The following CREB3L2 variants were observed in gnomAD, a reference collection of about 807,000 sequenced individuals.
CREB3L2 encodes the protein cAMP responsive element binding protein 3 like 2.
CREB3L2 carries 23 observed loss-of-function variants against 57.2 expected under a neutral mutation model. That is an observed-to-expected ratio of 0.40 (90% CI 0.29 to 0.57). The LOEUF (loss-of-function observed/expected upper bound fraction) is 0.57. CREB3L2 is among the 20% of genes least tolerant of loss of function. CREB3L2 has a pLI of 0.42. For synonymous variants in CREB3L2, 268 were observed against 265.1 expected (o/e 1.01, Z -0.11); for missense variants, 628 against 634.7 (o/e 0.99, Z 0.11).
intron 1 of CREB3L2, among the ~76,000 whole-genome samples, chr7:137,951,725 G>A (rs1258032765): frequency 1.3e-5 from 2 of 152,216 alleles, no homozygotes; most frequent in South Asian, 2.1e-4. Context: ...GCTCATGCCT[G>A]TAACCCCTGC....
At chr7:137,974,676 G>T (rs2117305862) in intron 1 of CREB3L2, among the ~76,000 whole-genome samples, 1 of 152,352 alleles carries the variant, frequency 6.6e-6, no homozygotes, top group Middle Eastern at 3.4e-3. Context: ...GAGATGGAAA[G>T]AAGTGAATGG....
At chr7:137,957,165 C>G (rs1158773944) in intron 1 of CREB3L2, among the ~76,000 whole-genome samples, 2 of 152,190 alleles carry the variant, frequency 1.3e-5, no homozygotes, top group Non-Finnish European at 2.9e-5. Context: ...CAGGTTCCTA[C>G]AGCCTGGAAT....
intron 8 of CREB3L2, among the ~76,000 whole-genome samples, chr7:137,897,230 A>G (rs1332203300): frequency 6.6e-6 from 1 of 152,234 alleles, no homozygotes; most frequent in African/African-American, 2.4e-5. Flanking sequence ...AATTTTGTCA[A>G]TTATGCCTTA....
intron 1 of CREB3L2, among the ~76,000 whole-genome samples, chr7:137,934,218 C>G (rs534300594): frequency 6.6e-6 from 1 of 152,256 alleles, no homozygotes; most frequent in East Asian, 1.9e-4. Flanking sequence ...TACTGAGAGA[C>G]CTTGAGCTAG....
intron 1 of CREB3L2, among the ~76,000 whole-genome samples, chr7:137,964,300 G>C (rs965709080): frequency 1.3e-5 from 2 of 152,290 alleles, no homozygotes; most frequent in Admixed American, 6.5e-5. Flanking sequence ...TAGGGGACAC[G>C]AGCGAGACTT....
intron 2 of CREB3L2, among the ~76,000 whole-genome samples, chr7:137,922,415 T>C (rs28616263): frequency 0.03 from 690 of 23,096 alleles, 28 homozygotes; most frequent in African/African-American, 0.075. Flanking sequence ...TATATATATA[T>C]GTATATATAT....
chr7:137,896,757 C>T (rs1390425702), intron 8 of CREB3L2, among the ~76,000 whole-genome samples: 11 of 152,116 alleles, frequency 7.2e-5, no homozygotes, highest in Admixed American at 5.9e-4. Context: ...CACACAGAGC[C>T]ACTGCGCTCC....
intron 1 of CREB3L2, among the ~76,000 whole-genome samples, chr7:137,952,265 T>C (rs1385431981): frequency 6.6e-6 from 1 of 152,192 alleles, no homozygotes; most frequent in Non-Finnish European, 1.5e-5. Flanking sequence ...TCTGGGAAAC[T>C]TGGAAAAGAT....
At chr7:137,969,183 T>C (rs898349335) in intron 1 of CREB3L2, among the ~76,000 whole-genome samples, 1 of 152,048 alleles carries the variant, frequency 6.6e-6, no homozygotes, top group East Asian at 1.9e-4. Context: ...ATATCAAGAT[T>C]ACAAATCATA....
chr7:137,901,975 C>T (rs886177817), intron 7 of CREB3L2, among the ~76,000 whole-genome samples: 11 of 151,124 alleles, frequency 7.3e-5, no homozygotes, highest in Admixed American at 2.6e-4. Flanking sequence ...AGGCAGATCA[C>T]TTGAGGTCAG....
rs963880892 is a variant in CREB3L2 at position 137,919,425 on chromosome 7, G to A, written c.320-3413C>T. Among the ~76,000 whole-genome samples, 8 of 152,112 alleles carry A rather than the reference G, an allele frequency of 5.3e-5. No homozygotes were observed. In the East Asian group the frequency reaches 1.5e-3, roughly 29 times the overall value. On this transcript the variant is annotated intron_variant, in intron 2 of 11. Transcript: ENST00000330387. ...GACCTCAGGTGACCCACCCGCCTCA[G>A]CCTCCCAAAGTGCTGGGATTACAGG...
chr7:137,916,097 C>A, intron 2 of CREB3L2, 85 bp from the exon 3 acceptor site: 2 of 1,066,350 alleles, frequency 1.9e-6, no homozygotes, highest in Non-Finnish European at 1.3e-6. Context: ...TCTTTCTCCC[C>A]AAAAAAGCTC....
chr7:137,974,604 T>C (rs550782925), intron 1 of CREB3L2, among the ~76,000 whole-genome samples: 3 of 152,300 alleles, frequency 2.0e-5, no homozygotes, highest in African/African-American at 4.8e-5. Context: ...AAGTTGTTAA[T>C]AGGCTACTGC....
chr7:137,946,887 G>T, intron 1 of CREB3L2, among the ~76,000 whole-genome samples: 2 of 46,016 alleles, frequency 4.3e-5, no homozygotes, highest in African/African-American at 1.2e-4. Context: ...TATCTATATA[G>T]TTATATATAT....
intron 1 of CREB3L2, among the ~76,000 whole-genome samples, chr7:137,954,223 G>A (rs1421360760): frequency 6.6e-6 from 1 of 152,048 alleles, no homozygotes; most frequent in East Asian, 1.9e-4. Flanking sequence ...AATGATCACC[G>A]AGAACAAAAG....
intron 8 of CREB3L2, among the ~76,000 whole-genome samples, chr7:137,894,828 T>C (rs1281545623): frequency 6.6e-6 from 1 of 152,194 alleles, no homozygotes; most frequent in Non-Finnish European, 1.5e-5. Context: ...GCAAGGTCCT[T>C]GAAGGAGCAA....
chr7:137,877,864 T>C lies in CREB3L2; in HGVS notation c.*2612A>G. 1 of 228,440 alleles carries C rather than the reference T, an allele frequency of 4.4e-6. No individual in the cohort carries two copies. Among genetic ancestry groups the C allele is most frequent in the Non-Finnish European group, 8.7e-6 (1 of 115,210 alleles). 14.2% of individuals were successfully genotyped at this position (228,440 alleles called of 1,614,324 possible). A position where few individuals can be genotyped will look rare whatever the true frequency, so the allele number is the denominator to read the frequency against. On this transcript the variant is annotated 3_prime_UTR_variant, in exon 12 of 12. Coordinates refer to ENST00000330387, the MANE Select transcript of CREB3L2 (RefSeq NM_194071.4). ...AAAATGTGCACACATCCATTAACTA[T>C]TTGGAACCAATCTGGTGCTATACAA...
chr7:137,906,721 G>T (rs1057340938), intron 5 of CREB3L2, among the ~76,000 whole-genome samples: 1 of 152,196 alleles, frequency 6.6e-6, no homozygotes, highest in Admixed American at 6.5e-5. Flanking sequence ...GAATTATGGG[G>T]TGAGTCTTTC....
chr7:137,915,822 G>A lies in CREB3L2; in HGVS notation c.495+15C>T, dbSNP rs200625961. 65 of 1,610,254 alleles carry A rather than the reference G, an allele frequency of 4.0e-5. No homozygotes were observed. Among genetic ancestry groups the A allele is most frequent in the Non-Finnish European group, 5.1e-5 (60 of 1,178,212 alleles). ...TTTAATCCAACCTGTTTAAACAGAC[G>A]AAAATTGAGCATACCCCAGTGTTCA... On this transcript the variant is annotated intron_variant, in intron 3 of 11. Transcript: ENST00000330387.
Sources: gnomAD v4.1 joint callset for allele counts (sites outside exome capture counted in the v4.1 genomes callset) on GRCh38, gnomAD v4.1.1 for gene constraint, MANE v1.5 for transcripts, NCBI Gene and HGNC (gene_info 2026-07-23, HGNC 2026-07-21) for gene names.